Variants in SUSD1 observed in about 807,000 individuals in gnomAD.
SUSD1 encodes the protein sushi domain containing 1.
SUSD1 carries 65 observed loss-of-function variants against 86.9 expected under a neutral mutation model. The observed-to-expected ratio is 0.75, with a 90% CI of 0.61 to 0.92. SUSD1 has a LOEUF of 0.92. SUSD1 is among the 40% of genes least tolerant of loss of function. The pLI, the probability that SUSD1 is intolerant of heterozygous loss-of-function variation, is 0.00. For synonymous variants in SUSD1, 346 were observed against 350.0 expected, an observed-to-expected ratio of 0.99 and a Z score of 0.13; for missense variants, 850 against 929.7, an observed-to-expected ratio of 0.91 and a Z score of 1.11.
At chr9:112,145,187 A>G (rs1832755860) in intron 3 of SUSD1, among the ~76,000 whole-genome samples, 1 of 152,020 alleles carries the variant, frequency 6.6e-6, no homozygotes, top group Admixed American at 6.6e-5. Flanking sequence ...TAAAAACATC[A>G]GGGATTGAGC....
chr9:112,130,272 T>C (rs1564321259), intron 5 of SUSD1, among the ~76,000 whole-genome samples: 1 of 151,696 alleles, frequency 6.6e-6, no homozygotes, highest in Non-Finnish European at 1.5e-5. Flanking sequence ...ACCTGGTAGG[T>C]TGAGGCAGGA....
intron 12 of SUSD1, among the ~76,000 whole-genome samples, chr9:112,065,858 G>A (rs188993443): frequency 2.6e-5 from 4 of 152,320 alleles, no homozygotes; most frequent in South Asian, 2.1e-4. Flanking sequence ...GTCAACACAA[G>A]TAAAGAGAAT....
At chr9:112,153,736 C>A (rs944953631) in intron 2 of SUSD1, among the ~76,000 whole-genome samples, 3 of 151,742 alleles carry the variant, frequency 2.0e-5, no homozygotes, top group Non-Finnish European at 4.4e-5. Flanking sequence ...GTCTCAGCCT[C>A]CTGAGTAGCT....
At chr9:112,152,771 T>G (rs1185705719) in intron 2 of SUSD1, among the ~76,000 whole-genome samples, 8 of 142,278 alleles carry the variant, frequency 5.6e-5, no homozygotes, top group Non-Finnish European at 1.2e-4. Flanking sequence ...TTTTTTTTTT[T>G]GTAAACAGGG....
At chr9:112,069,570 T>G (rs1016576628) in intron 12 of SUSD1, among the ~76,000 whole-genome samples, 1 of 152,188 alleles carries the variant, frequency 6.6e-6, no homozygotes, top group Non-Finnish European at 1.5e-5. Flanking sequence ...GCCCTTTCAC[T>G]TGTGACGTTT....
intron 16 of SUSD1, 63 bp downstream of exon 16, chr9:112,041,804 C>T (rs533372469): frequency 3.8e-4 from 574 of 1,509,064 alleles, no homozygotes; most frequent in Admixed American, 8.5e-4. Context: ...AGCTGTTCTT[C>T]GTGACTCTGA....
intron 11 of SUSD1, 67 bp from the exon 12 acceptor site, chr9:112,078,791 C>T: frequency 7.5e-7 from 1 of 1,328,622 alleles, no homozygotes; most frequent in Non-Finnish European, 1.0e-6. Context: ...TTGAAACCTC[C>T]CCTTTTCCTT....
intron 9 of SUSD1, among the ~76,000 whole-genome samples, chr9:112,101,733 T>C (rs991206755): frequency 1.3e-5 from 2 of 151,988 alleles, no homozygotes; most frequent in Non-Finnish European, 2.9e-5. Context: ...CAATCCCAGC[T>C]ACTCAGGAAG....
intron 5 of SUSD1, among the ~76,000 whole-genome samples, chr9:112,140,849 C>T (rs1456366615): frequency 6.6e-6 from 1 of 152,202 alleles, no homozygotes; most frequent in Admixed American, 6.5e-5. Context: ...CTCACTTAGG[C>T]TGTATGGTAT....
chr9:112,170,692 C>CAT (rs3983405), intron 1 of SUSD1, among the ~76,000 whole-genome samples: 12,304 of 119,756 alleles, frequency 0.1, 867 homozygotes, highest in East Asian at 0.18. Flanking sequence ...ATGGCCAGAT[C>CAT]ATATATATAT....
chr9:112,064,877 G>GAA (rs558673175), intron 12 of SUSD1, among the ~76,000 whole-genome samples: 32 of 87,988 alleles, frequency 3.6e-4, no homozygotes, highest in East Asian at 8.8e-4. Flanking sequence ...CTCTGTCTCA[G>GAA]AAAAAAAAAA....
intron 6 of SUSD1, among the ~76,000 whole-genome samples, chr9:112,117,784 T>G (rs1317100350): frequency 6.6e-6 from 1 of 152,192 alleles, no homozygotes; most frequent in Admixed American, 6.5e-5. Context: ...ATTATTTGGT[T>G]GAACTGGTTG....
chr9:112,079,996 A>AT (rs1283502923), intron 11 of SUSD1, 78 bp downstream of exon 11: 5 of 1,018,926 alleles, frequency 4.9e-6, no homozygotes, highest in Non-Finnish European at 7.7e-6. Flanking sequence ...ATAGATGTAG[A>AT]TTTTTAGGTT....
intron 8 of SUSD1, among the ~76,000 whole-genome samples, chr9:112,106,424 A>G (rs1349965941): frequency 6.6e-6 from 1 of 152,166 alleles, no homozygotes; most frequent in Non-Finnish European, 1.5e-5. Flanking sequence ...TTCACATGTG[A>G]AGGCAACAAA....
intron 2 of SUSD1, among the ~76,000 whole-genome samples, chr9:112,154,741 A>G (rs1255935455): frequency 1.3e-5 from 2 of 152,104 alleles, no homozygotes; most frequent in African/African-American, 2.4e-5. Flanking sequence ...TGGAAGGGAC[A>G]TTTCGGTTTG....
At chr9:112,147,367 A>G (rs930978679) in intron 3 of SUSD1, among the ~76,000 whole-genome samples, 16 of 152,214 alleles carry the variant, frequency 1.1e-4, no homozygotes, top group Non-Finnish European at 2.2e-4. Context: ...TTAGCTGGGC[A>G]TGGTGGCGGG....
At chr9:112,106,388 G>T (rs1830841310) in intron 8 of SUSD1, among the ~76,000 whole-genome samples, 1 of 152,028 alleles carries the variant, frequency 6.6e-6, no homozygotes, top group Non-Finnish European at 1.5e-5. Flanking sequence ...TATGACCCAA[G>T]AATTTTATCT....
At chr9:112,041,784 C>T in intron 16 of SUSD1, 83 bp downstream of exon 16, 1 of 1,375,346 alleles carries the variant, frequency 7.3e-7, no homozygotes, top group Non-Finnish European at 1.0e-6. Context: ...CTTTGACTCC[C>T]CTCATCCCCA....
intron 13 of SUSD1, 140 bp from the exon 14 acceptor site, chr9:112,058,826 G>T: frequency 9.8e-7 from 1 of 1,019,696 alleles, no homozygotes; most frequent in Non-Finnish European, 1.4e-6. Context: ...ATGGAGTCTT[G>T]CTCTGTCACT....
Sources: gnomAD v4.1 joint callset for allele counts (sites outside exome capture counted in the v4.1 genomes callset) on GRCh38, gnomAD v4.1.1 for gene constraint, MANE v1.5 for transcripts, NCBI Gene and HGNC (gene_info 2026-07-23, HGNC 2026-07-21) for gene names.